Variants in PARP16 observed in about 807,000 individuals in gnomAD.
The protein encoded by PARP16 is protein mono-ADP-ribosyltransferase PARP16.
Under a neutral mutation model 35.0 loss-of-function variants are expected in PARP16, and 31 were observed. That is an observed-to-expected ratio of 0.88 (90% CI 0.66 to 1.19). The LOEUF (loss-of-function observed/expected upper bound fraction) is 1.19. Ranked by LOEUF, PARP16 falls within the 50% of genes most tolerant of loss-of-function variation. The pLI is 0.00. For synonymous variants in PARP16, 162 were observed against 169.5 expected (o/e 0.96, Z 0.34); for missense variants, 424 against 411.2 (o/e 1.03, Z -0.27).
chr15:65,282,852 C>T (rs558276652), intron 1 of PARP16, among the ~76,000 whole-genome samples: 1 of 152,256 alleles, frequency 6.6e-6, no homozygotes, highest in South Asian at 2.1e-4. Flanking sequence ...GGGCCCCAAA[C>T]AGAGCAATTG....
rs779012579 is a variant in PARP16, at chr15:65,263,266, T to C, written c.574A>G (p.Ile192Val). 39 of 1,613,310 alleles carry C rather than the reference T, an allele frequency of 2.4e-5. No homozygotes were observed. The East Asian group carries it at 8.2e-4, about 34-fold the overall frequency. Residue 192 changes from isoleucine to valine, a missense_variant, in exon 4 of 6, where the codon ATA becomes GTA. Physicochemically the swap from Ile to Val is conservative, Grantham distance 29. Coordinates refer to ENST00000649807, the MANE Select transcript of PARP16 (RefSeq NM_001316943.2). ...CACCCATGGCCATGGGGGCTGTATA[T>C]GAGGGCCAGGCTCAAGTCACTGGTG... The part of the protein sequence containing the change: ...YLTSDLSLAL[I>V]YSPHGHGWQH...
intron 3 of PARP16, among the ~76,000 whole-genome samples, chr15:65,237,567 T>G (rs1229428128): frequency 6.6e-6 from 1 of 151,738 alleles, no homozygotes; most frequent in Non-Finnish European, 1.5e-5. Flanking sequence ...GAGGAGGAAG[T>G]AGTGTGACCA....
chr15:65,281,320 C>A (rs2090416953), intron 1 of PARP16, among the ~76,000 whole-genome samples: 4 of 152,186 alleles, frequency 2.6e-5, no homozygotes, highest in Admixed American at 1.3e-4. Flanking sequence ...TCAGCACACG[C>A]ACAATGTGAT....
chr15:65,266,461 G>A (rs142993842), intron 3 of PARP16, 101 bp downstream of exon 3: 3 of 956,616 alleles, frequency 3.1e-6, no homozygotes, highest in East Asian at 4.9e-5. Context: ...AAACCTACCC[G>A]ACCCCACCTG....
At chr15:65,275,967 C>G (rs2090240798) in intron 1 of PARP16, among the ~76,000 whole-genome samples, 1 of 152,210 alleles carries the variant, frequency 6.6e-6, no homozygotes, top group Non-Finnish European at 1.5e-5. Context: ...GAGAGCCCCA[C>G]AAAAGGACAG....
intron 1 of PARP16, among the ~76,000 whole-genome samples, chr15:65,280,646 T>G (rs1018797346): frequency 6.6e-6 from 1 of 151,994 alleles, no homozygotes; most frequent in African/African-American, 2.4e-5. Flanking sequence ...AAGGTGGAAA[T>G]TTCACGTGTA....
chr15:65,260,251 G>A (rs1271720822), intron 5 of PARP16, among the ~76,000 whole-genome samples: 2 of 152,060 alleles, frequency 1.3e-5, no homozygotes, highest in Non-Finnish European at 2.9e-5. Flanking sequence ...CCTGCTGCTG[G>A]CCCCTGCAAG....
chr15:65,280,080 C>T (rs191961864), intron 1 of PARP16, among the ~76,000 whole-genome samples: 234 of 152,078 alleles, frequency 1.5e-3, no homozygotes, highest in Middle Eastern at 3.4e-3. Context: ...TAACGATCTT[C>T]CCCAGTTAAT....
Position 65,286,567 on chromosome 15 carries a change from C to A in PARP16, c.-141G>T. The A allele has an allele frequency of 3.5e-6, 2 of 577,920 alleles. No homozygotes were observed. The highest frequency in any genetic ancestry group is 5.8e-6 in the Non-Finnish European group (2 of 347,648). 35.8% of individuals were successfully genotyped at this position (577,920 alleles called of 1,614,324 possible). A position where few individuals can be genotyped will look rare whatever the true frequency, so the allele number is the denominator to read the frequency against. On this transcript the variant is annotated 5_prime_UTR_variant, in exon 1 of 6. Transcript: ENST00000649807. ...GCCTGGGGTGGAGCTAGGCAGGGGG[C>A]TGAGATGACAGGGGTGAGAACGTGC...
chr15:65,235,956 C>G (rs2088869543), intron 3 of PARP16, among the ~76,000 whole-genome samples: 1 of 147,100 alleles, frequency 6.8e-6, no homozygotes, highest in Non-Finnish European at 1.5e-5. Flanking sequence ...CTCTCAGGTT[C>G]AAGCGATTCT....
At chr15:65,277,280 C>G (rs1323964155) in intron 1 of PARP16, among the ~76,000 whole-genome samples, 1 of 152,176 alleles carries the variant, frequency 6.6e-6, no homozygotes, top group African/African-American at 2.4e-5. Context: ...CCACCTACAA[C>G]CTCTGTACTC....
At chr15:65,262,998 C>T (rs192451634) in intron 4 of PARP16, 151 bp downstream of exon 4, 52 of 676,078 alleles carry the variant, frequency 7.7e-5, no homozygotes, top group Middle Eastern at 4.1e-4. Flanking sequence ...GAAGACTGCT[C>T]GCTCCTTGGG....
chr15:65,263,187 A>ATGACCTC lies in PARP16; in HGVS notation c.646_652dup (p.Ile218ArgfsTer4). On this transcript the variant is annotated frameshift_variant, in exon 4 of 6. Coordinates refer to ENST00000649807, the MANE Select transcript of PARP16 (RefSeq NM_001316943.2). LOFTEE classifies it high-confidence loss of function. Reference sequence around the variant, plus strand: ...TTGGCACTTGACGTCCGGATGGTCAATGACCTCACACACGGCCACACAGCT... The same window carrying ATGACCTC: ...TTGGCACTTGACGTCCGGATGGTCAATGACCTCTGACCTCACACACGGCCACACAGCT... 1 of 1,614,176 alleles carries ATGACCTC rather than the reference A, an allele frequency of 6.2e-7. No homozygotes were observed. Among genetic ancestry groups the ATGACCTC allele is most frequent in the Non-Finnish European group, 8.5e-7 (1 of 1,180,022 alleles).
chr15:65,286,603 C>T lies in PARP16; in HGVS notation c.-177G>A. ...GGGGTGAGAACGTGCCGACAAGTGTCCTCTGCCGGGGTCTGGGCCGCGGCT... is the reference window on the plus strand; with the variant it reads ...GGGGTGAGAACGTGCCGACAAGTGTTCTCTGCCGGGGTCTGGGCCGCGGCT... On this transcript the variant is annotated 5_prime_UTR_variant, in exon 1 of 6. Coordinates refer to ENST00000649807, the MANE Select transcript of PARP16 (RefSeq NM_001316943.2). 2.1e-6 allele frequency: 1 copy of T among 484,090 alleles called. No homozygotes were observed. The highest frequency in any genetic ancestry group is 3.6e-6 in the Non-Finnish European group (1 of 277,338). The allele number at this position is 484,090 out of a possible 1,614,324, so 30.0% of individuals were successfully genotyped here. A position where few individuals can be genotyped will look rare whatever the true frequency, so the allele number is the denominator to read the frequency against.
intron 1 of PARP16, among the ~76,000 whole-genome samples, chr15:65,275,648 G>A (rs903854196): frequency 2.0e-5 from 3 of 152,036 alleles, no homozygotes; most frequent in Admixed American, 1.3e-4. Flanking sequence ...CCTCAAGTGA[G>A]GTCATCTCAA....
Position 65,271,019 on chromosome 15 carries a change from T to C in PARP16, c.228A>G (p.Gly76=). The C allele has an allele frequency of 6.2e-7, 1 of 1,614,076 alleles. No homozygotes were observed. The highest frequency in any genetic ancestry group is 8.5e-7 in the Non-Finnish European group (1 of 1,179,940). Residue 76 remains glycine (G), a synonymous_variant, in exon 2 of 6, where the codon GGA becomes GGG. Transcript: ENST00000649807. ...PNLKELLQSS[G]DNHKRAWDLV... Reference sequence around the variant, plus strand: ...GGTCCCAGGCCCGTTTGTGGTTGTCTCCGGAGGACTGGAGAAGTTCTTTCA... The same window carrying C: ...GGTCCCAGGCCCGTTTGTGGTTGTCCCCGGAGGACTGGAGAAGTTCTTTCA...
intron 3 of PARP16, among the ~76,000 whole-genome samples, chr15:65,235,865 T>G (rs1430458712): frequency 6.8e-6 from 1 of 146,402 alleles, no homozygotes; most frequent in African/African-American, 2.5e-5. Flanking sequence ...GATATGGTTT[T>G]TTTTTTTTTT....
chr15:65,252,327 G>A (rs2140784453), intron 2 of PARP16, among the ~76,000 whole-genome samples: 1 of 152,272 alleles, frequency 6.6e-6, no homozygotes, highest in Non-Finnish European at 1.5e-5. Flanking sequence ...GAACTAAGAG[G>A]ACAAATACTT....
chr15:65,245,143 G>C (rs1474089951), intron 3 of PARP16, among the ~76,000 whole-genome samples: 1 of 152,202 alleles, frequency 6.6e-6, no homozygotes, highest in Non-Finnish European at 1.5e-5. Flanking sequence ...CTGCTGCAGG[G>C]CTTTCAAATC....
Sources: gnomAD v4.1 joint callset for allele counts (sites outside exome capture counted in the v4.1 genomes callset) on GRCh38, gnomAD v4.1.1 for gene constraint, MANE v1.5 for transcripts, NCBI Gene and HGNC (gene_info 2026-07-23, HGNC 2026-07-21) for gene names.